UNC5C: variants seen among roughly 807,000 people sequenced by gnomAD.
The protein encoded by UNC5C is netrin receptor UNC5C.
A neutral mutation model predicts 99.8 loss-of-function variants in UNC5C; 47 were observed. The ratio of observed to expected loss-of-function variants is 0.47; its 90% confidence interval spans 0.37 to 0.60. The LOEUF (loss-of-function observed/expected upper bound fraction) is 0.60. Among genes scored for constraint, UNC5C ranks in the 20% least tolerant of loss-of-function variants. The probability of loss-of-function intolerance (pLI) is 0.00; values close to 1 mark genes in which losing one functional copy is unlikely to be tolerated. For missense variants in UNC5C, 1,062 were observed against 1,165.9 expected (o/e 0.91, Z 1.30); for synonymous variants, 487 against 452.2 (o/e 1.08, Z -0.98).
chr4:95,531,656 A>G (rs1722645694), intron 1 of UNC5C, among the ~76,000 whole-genome samples: 1 of 152,248 alleles, frequency 6.6e-6, no homozygotes, highest in South Asian at 2.1e-4. Flanking sequence ...TCCTACCAAA[A>G]GAATTTTCAG....
At chr4:95,309,326 C>G (rs1047654087) in intron 2 of UNC5C, among the ~76,000 whole-genome samples, 2 of 151,832 alleles carry the variant, frequency 1.3e-5, no homozygotes, top group Non-Finnish European at 2.9e-5. Flanking sequence ...AACTGTAAAA[C>G]CGCTAGAAAA....
rs1469918990 is a variant in UNC5C, at chr4:95,182,943, A to C, written c.2405T>G (p.Val802Gly). ...CTGGAAGATCTGCCCTTCTCCTTCC[A>C]CCTGCCGCACACAGAGTTTGCAAAC... ...ELVCKLCVRQ[V>G]EGEGQIFQLN... Residue 802 changes from valine (V) to glycine (G), a missense_variant, in exon 14 of 16, where the codon GTG becomes GGG. By Grantham distance (109) the Val-to-Gly change is moderately radical. Coordinates refer to ENST00000453304, the MANE Select transcript of UNC5C (RefSeq NM_003728.4). 1 of 1,613,862 alleles carries C rather than the reference A, an allele frequency of 6.2e-7. No individual in the cohort carries two copies.
At chr4:95,496,364 T>A (rs1721631082) in intron 1 of UNC5C, among the ~76,000 whole-genome samples, 1 of 151,832 alleles carries the variant, frequency 6.6e-6, no homozygotes, top group Admixed American at 6.6e-5. Flanking sequence ...AAGTACTGAG[T>A]ATGTATTTCA....
At chr4:95,296,311 C>A (rs1391478183) in intron 3 of UNC5C, among the ~76,000 whole-genome samples, 1 of 152,018 alleles carries the variant, frequency 6.6e-6, no homozygotes, top group Non-Finnish European at 1.5e-5. Flanking sequence ...GTGAACTGCT[C>A]TTGAATATTA....
At chr4:95,497,979 C>A (rs530101995) in intron 1 of UNC5C, among the ~76,000 whole-genome samples, 1 of 152,056 alleles carries the variant, frequency 6.6e-6, no homozygotes, top group South Asian at 2.1e-4. Flanking sequence ...GCATAATGCA[C>A]AAGCTGCACA....
intron 1 of UNC5C, among the ~76,000 whole-genome samples, chr4:95,469,035 GAT>G (rs1314565981): frequency 6.6e-6 from 1 of 152,080 alleles, no homozygotes; most frequent in Non-Finnish European, 1.5e-5. Context: ...CTGCTTTATA[GAT>G]AAGGGCAGTT....
rs1738116438 is a variant in UNC5C, at chr4:95,212,761, G to A, written c.1733+3363C>T. 2.0e-5 allele frequency among the ~76,000 whole-genome samples: 3 copies of A among 152,070 alleles called. No individual in the cohort carries two copies. The South Asian group carries it at 6.2e-4, about 31-fold the overall frequency. On this transcript the variant is annotated intron_variant, in intron 10 of 15. Coordinates refer to ENST00000453304, the MANE Select transcript of UNC5C (RefSeq NM_003728.4). ...GCTGCTTCTCACCTTTCTCACAATT[G>A]TCACAGTGCCCCAGGCTTGATTCTT...
intron 1 of UNC5C, among the ~76,000 whole-genome samples, chr4:95,546,953 C>T (rs1203610960): frequency 1.3e-5 from 2 of 152,130 alleles, no homozygotes; most frequent in Non-Finnish European, 2.9e-5. Context: ...CACCCACCCC[C>T]ATGGCTCAGT....
Position 95,278,322 on chromosome 4 carries a change from T to A in UNC5C, c.531A>T (p.Glu177Asp), listed in dbSNP as rs985672419. 2 of 1,614,018 alleles carry A rather than the reference T, an allele frequency of 1.2e-6. No homozygotes were observed. Among genetic ancestry groups the A allele is most frequent in the African/African-American group, 1.3e-5 (1 of 74,932 alleles). ...KTFEQEPLGKEVSLEQEVLLQ... is the reference protein window; with the variant it reads ...KTFEQEPLGKDVSLEQEVLLQ... ...GTAAGACTTCCTGTTCCAAAGACACTTCCTTTCCTAGGGGTTCCTGCTCAA... is the reference window on the plus strand; with the variant it reads ...GTAAGACTTCCTGTTCCAAAGACACATCCTTTCCTAGGGGTTCCTGCTCAA... Residue 177 changes from glutamate to aspartate, a missense_variant, in exon 4 of 16, where the codon GAA becomes GAT. By Grantham distance (45) the Glu-to-Asp change is conservative. Transcript: ENST00000453304.
chr4:95,286,774 C>T (rs1218978991), intron 3 of UNC5C, among the ~76,000 whole-genome samples: 1 of 152,194 alleles, frequency 6.6e-6, no homozygotes, highest in Non-Finnish European at 1.5e-5. Flanking sequence ...CGTTACTTAG[C>T]TCCGGCTGCA....
In UNC5C at chr4:95,529,292, A is replaced by ATGTATATATATTTATATGTATATATG. The variant is rs1287316124; in HGVS notation, c.124+19416_124+19441dup. Reference sequence around the variant, plus strand: ...TACATGTATGTATTTATATGTATATATGTATATATATTTATATGTATATAT... The same window carrying ATGTATATATATTTATATGTATATATG: ...TACATGTATGTATTTATATGTATATATGTATATATATTTATATGTATATATGTGTATATATATTTATATGTATATAT... On this transcript the variant is annotated intron_variant, in intron 1 of 15. Coordinates refer to ENST00000453304, the MANE Select transcript of UNC5C (RefSeq NM_003728.4). Among the ~76,000 whole-genome samples the ATGTATATATATTTATATGTATATATG allele has an allele frequency of 1.8e-3, 264 of 147,950 alleles. 1 individual carries two copies. Among genetic ancestry groups the ATGTATATATATTTATATGTATATATG allele is most frequent in the African/African-American group, 4.3e-3 (176 of 40,694 alleles).
rs529640088 is a variant in UNC5C, at chr4:95,304,736, T to A, written c.347-2987A>T. Among the ~76,000 whole-genome samples the A allele has an allele frequency of 7.7e-4, 117 of 152,324 alleles. 1 individual carries two copies. Among genetic ancestry groups the A allele is most frequent in the African/African-American group, 2.8e-3 (117 of 41,578 alleles). On this transcript the variant is annotated intron_variant, in intron 2 of 15. Transcript: ENST00000453304. ...AAAGGGCTGATAAATTTGCAATATG[T>A]GTTTCCTTAGAACTATAATGGTTCT...
intron 1 of UNC5C, among the ~76,000 whole-genome samples, chr4:95,341,788 T>A (rs1372796101): frequency 3.3e-5 from 5 of 152,108 alleles, no homozygotes; most frequent in Admixed American, 3.3e-4. Flanking sequence ...ATTGTTAATG[T>A]CACCACTCTC....
At chr4:95,485,785 T>C (rs1249649674) in intron 1 of UNC5C, among the ~76,000 whole-genome samples, 1 of 151,770 alleles carries the variant, frequency 6.6e-6, no homozygotes, top group Non-Finnish European at 1.5e-5. Context: ...AGTTTTAAAA[T>C]GGTCAAGCCT....
chr4:95,263,764 C>T (rs966048840), intron 4 of UNC5C, among the ~76,000 whole-genome samples: 1 of 152,132 alleles, frequency 6.6e-6, no homozygotes, highest in Non-Finnish European at 1.5e-5. Context: ...TCATAAGGTT[C>T]TTGTGAGGTT....
rs550942231 is a variant in UNC5C at position 95,425,010 on chromosome 4, C to A, written c.125-89379G>T. 4.6e-5 allele frequency among the ~76,000 whole-genome samples: 7 copies of A among 152,240 alleles called. No homozygotes were observed. The South Asian group carries it at 1.5e-3, about 32-fold the overall frequency. ...TTCTTGATCATTTTAAGTCTCTGGA[C>A]TTACATTTTTTTTCATTTCAAAAAT... is the stretch of plus-strand genomic sequence containing the variant. On this transcript the variant is annotated intron_variant, in intron 1 of 15. Coordinates refer to ENST00000453304, the MANE Select transcript of UNC5C (RefSeq NM_003728.4).
intron 1 of UNC5C, among the ~76,000 whole-genome samples, chr4:95,523,996 A>T (rs1221968076): frequency 6.6e-6 from 1 of 152,192 alleles, no homozygotes; most frequent in Non-Finnish European, 1.5e-5. Context: ...GAGAGAAGTG[A>T]TTTAAATTCT....
At chr4:95,175,446 C>T (rs1736299671) in intron 14 of UNC5C, among the ~76,000 whole-genome samples, 1 of 151,438 alleles carries the variant, frequency 6.6e-6, no homozygotes, top group Admixed American at 6.6e-5. Context: ...CTGGTGGTGA[C>T]AAAATCTCTC....
chr4:95,457,584 T>A (rs1747478068), intron 1 of UNC5C, among the ~76,000 whole-genome samples: 1 of 152,064 alleles, frequency 6.6e-6, no homozygotes, highest in Admixed American at 6.6e-5. Flanking sequence ...TTGCCCGCAT[T>A]TAATGCTGTT....
Sources: allele counts gnomAD v4.1 joint callset (sites outside exome capture counted in the v4.1 genomes callset), GRCh38; gene constraint gnomAD v4.1.1; transcripts MANE v1.5; gene names NCBI Gene and HGNC (gene_info 2026-07-23, HGNC 2026-07-21).